DAP: variants seen among roughly 807,000 people sequenced by gnomAD.
DAP encodes death-associated protein 1.
A neutral mutation model predicts 13.8 loss-of-function variants in DAP; 8 were observed. The observed-to-expected ratio is 0.58, with a 90% CI of 0.34 to 1.05. DAP has a LOEUF of 1.05. DAP is among the 50% of genes least tolerant of loss of function. The probability of loss-of-function intolerance (pLI) is 0.03; values close to 1 mark genes in which losing one functional copy is unlikely to be tolerated. For synonymous variants in DAP, 47 were observed against 47.5 expected, an observed-to-expected ratio of 0.99 and a Z score of 0.04; for missense variants, 106 against 133.2, an observed-to-expected ratio of 0.80 and a Z score of 1.01.
intron 2 of DAP, among the ~76,000 whole-genome samples, chr5:10,728,911 A>G (rs1002620180): frequency 6.6e-6 from 1 of 152,194 alleles, no homozygotes; most frequent in African/African-American, 2.4e-5. Context: ...TTTCAAAATG[A>G]ACATTGATGC....
chr5:10,737,761 T>C (rs1423503831), intron 2 of DAP, among the ~76,000 whole-genome samples: 2 of 152,258 alleles, frequency 1.3e-5, no homozygotes, highest in Admixed American at 6.5e-5. Context: ...ACGGGTTGAC[T>C]TGTGTCCTCC....
At chr5:10,743,881 T>C (rs1739832278) in intron 2 of DAP, among the ~76,000 whole-genome samples, 1 of 152,226 alleles carries the variant, frequency 6.6e-6, no homozygotes, top group African/African-American at 2.4e-5. Flanking sequence ...TTTGGCAGCA[T>C]TTTCACATTT....
chr5:10,731,199 G>GA (rs1739449767), intron 2 of DAP, among the ~76,000 whole-genome samples: 1 of 116,576 alleles, frequency 8.6e-6, no homozygotes, highest in Non-Finnish European at 1.8e-5. Context: ...GAGCCCTGGT[G>GA]GGGGGAATCT....
intron 2 of DAP, among the ~76,000 whole-genome samples, chr5:10,688,254 C>T (rs184347636): frequency 6.8e-4 from 104 of 152,262 alleles, no homozygotes; most frequent in African/African-American, 2.3e-3. Context: ...GCCACTCCAA[C>T]CTTCAGCAAC....
rs1399122938 is a variant in DAP, at chr5:10,697,253, G to A, written c.153-13682C>T. The stretch of plus-strand genomic sequence containing the variant: ...CTGCCCTAGGAAGTGCCTGCTCACC[G>A]TGCTTTATTACATGGTTAGCTCGTT... On this transcript the variant is annotated intron_variant, in intron 2 of 3. Coordinates refer to ENST00000230895, the MANE Select transcript of DAP (RefSeq NM_004394.3). 5.9e-5 allele frequency among the ~76,000 whole-genome samples: 9 copies of A among 152,324 alleles called. No individual in the cohort carries two copies. In the South Asian group the frequency reaches 1.9e-3, roughly 32 times the overall value.
intron 2 of DAP, among the ~76,000 whole-genome samples, chr5:10,712,980 G>A (rs1036100558): frequency 6.6e-6 from 1 of 152,164 alleles, no homozygotes; most frequent in Non-Finnish European, 1.5e-5. Flanking sequence ...CATTAGTGCA[G>A]GCCTCCATAC....
intron 2 of DAP, among the ~76,000 whole-genome samples, chr5:10,744,622 T>C (rs1161622106): frequency 6.6e-6 from 1 of 152,166 alleles, no homozygotes; most frequent in Non-Finnish European, 1.5e-5. Context: ...GGCAAGGGCT[T>C]CCAAACCAAG....
At chr5:10,683,397 C>T in intron 3 of DAP, 132 bp downstream of exon 3, 5 of 909,164 alleles carry the variant, frequency 5.5e-6, no homozygotes, top group Non-Finnish European at 9.1e-6. Context: ...ATGAAGAGAG[C>T]CATGGCCACA....
chr5:10,748,002 C>G, intron 2 of DAP, 173 bp downstream of exon 2: 1 of 575,928 alleles, frequency 1.7e-6, no homozygotes, highest in Non-Finnish European at 3.1e-6. Context: ...TCTATTTTCT[C>G]CCCTGACTGA....
chr5:10,695,880 T>C (rs1238295839), intron 2 of DAP, among the ~76,000 whole-genome samples: 1 of 151,898 alleles, frequency 6.6e-6, no homozygotes, highest in African/African-American at 2.4e-5. Flanking sequence ...TTTTTTTTTT[T>C]AGTTAGGAAA....
chr5:10,749,277 C>T (rs1051558695), intron 1 of DAP, among the ~76,000 whole-genome samples: 2 of 152,180 alleles, frequency 1.3e-5, no homozygotes, highest in African/African-American at 2.4e-5. Context: ...AGAACTTACA[C>T]GTAAGTTTTT....
At chr5:10,753,317 C>G (rs984372105) in intron 1 of DAP, among the ~76,000 whole-genome samples, 1 of 152,206 alleles carries the variant, frequency 6.6e-6, no homozygotes, top group Admixed American at 6.5e-5. Flanking sequence ...CGTAGGTAAG[C>G]CTTTCCTTGA....
intron 2 of DAP, among the ~76,000 whole-genome samples, chr5:10,744,608 C>T (rs1739855417): frequency 1.3e-5 from 2 of 152,334 alleles, no homozygotes; most frequent in South Asian, 2.1e-4. Context: ...CGTGACATAT[C>T]AGGGGCAAGG....
At chr5:10,698,056 C>T (rs1561011082) in intron 2 of DAP, among the ~76,000 whole-genome samples, 1 of 151,988 alleles carries the variant, frequency 6.6e-6, no homozygotes, top group Non-Finnish European at 1.5e-5. Flanking sequence ...CTGAATTCAC[C>T]AGGAATTATG....
At chr5:10,719,756 G>A (rs555167318) in intron 2 of DAP, among the ~76,000 whole-genome samples, 24 of 152,166 alleles carry the variant, frequency 1.6e-4, no homozygotes, top group Non-Finnish European at 2.8e-4. Flanking sequence ...AATGCCCATG[G>A]TCTCCACTCC....
chr5:10,739,610 G>C (rs543612486), intron 2 of DAP, among the ~76,000 whole-genome samples: 13 of 152,246 alleles, frequency 8.5e-5, no homozygotes, highest in African/African-American at 3.1e-4. Context: ...AGAGCCTGCT[G>C]AAGTCCAATG....
At chr5:10,740,464 A>C (rs1408876417) in intron 2 of DAP, among the ~76,000 whole-genome samples, 1 of 152,254 alleles carries the variant, frequency 6.6e-6, no homozygotes, top group African/African-American at 2.4e-5. Flanking sequence ...AGATACATAC[A>C]AAGACAACCA....
intron 2 of DAP, among the ~76,000 whole-genome samples, chr5:10,717,742 G>A (rs1160894663): frequency 6.6e-6 from 1 of 152,230 alleles, no homozygotes; most frequent in African/African-American, 2.4e-5. Flanking sequence ...GGCAAGGTGG[G>A]TGCAGCTACG....
intron 1 of DAP, among the ~76,000 whole-genome samples, chr5:10,749,498 G>A (rs1579821675): frequency 6.6e-6 from 1 of 152,250 alleles, no homozygotes; most frequent in Non-Finnish European, 1.5e-5. Flanking sequence ...AGCCATCCTA[G>A]TGGGTGTGAA....
Sources: allele counts gnomAD v4.1 joint callset (sites outside exome capture counted in the v4.1 genomes callset), GRCh38; gene constraint gnomAD v4.1.1; transcripts MANE v1.5; gene names NCBI Gene and HGNC (gene_info 2026-07-23, HGNC 2026-07-21).